Variants in VAT1 observed in about 807,000 individuals in gnomAD.
VAT1 encodes the protein NADPH-dependent quinone oxidoreductase VAT1.
VAT1 carries 24 observed loss-of-function variants against 33.3 expected under a neutral mutation model. The observed-to-expected ratio is 0.72, with a 90% confidence interval of 0.52 to 1.01. VAT1 has a LOEUF of 1.01. Ranked by LOEUF, VAT1 falls within the 50% of genes least tolerant of loss-of-function variation. The pLI is 0.00. For missense variants in VAT1, 436 were observed against 533.7 expected, an observed-to-expected ratio of 0.82 and a Z score of 1.80; for synonymous variants, 212 against 225.0, an observed-to-expected ratio of 0.94 and a Z score of 0.52.
At position 43,017,946 on chromosome 17, in the gene VAT1, G is replaced by A; in HGVS notation, c.767-16C>T. The A allele has an allele frequency of 6.2e-7, 1 of 1,614,110 alleles. No individual in the cohort carries two copies. The highest frequency in any genetic ancestry group is 8.5e-7 in the Non-Finnish European group (1 of 1,179,976). Reference sequence around the variant, plus strand: ...ATGTCCACTCCTGTCATAGAGTAGGGGAACCCAAGAACAACATTAGGATCC... The same window carrying A: ...ATGTCCACTCCTGTCATAGAGTAGGAGAACCCAAGAACAACATTAGGATCC... On this transcript the variant is annotated splice_polypyrimidine_tract_variant and intron_variant, in intron 3 of 5. Coordinates refer to ENST00000355653, the MANE Select transcript of VAT1 (RefSeq NM_006373.4).
intron 1 of VAT1, 21 bp downstream of exon 1, chr17:43,021,915 T>A (rs2050572585): frequency 5.0e-6 from 8 of 1,609,384 alleles, no homozygotes; most frequent in Non-Finnish European, 6.8e-6. Context: ...AGCCCTGCCC[T>A]GCCCTACGCA....
chr17:43,021,606 T>TGGGGGGGGGGG (rs35999638), intron 1 of VAT1, among the ~76,000 whole-genome samples: 13 of 49,414 alleles, frequency 2.6e-4, no homozygotes, highest in South Asian at 6.8e-4. Flanking sequence ...GTGGTTTTAA[T>TGGGGGGGGGGG]GGGGGGGGGG....
chr17:43,020,114 A>G, intron 1 of VAT1: 1 of 985,456 alleles, frequency 1.0e-6, no homozygotes, highest in Non-Finnish European at 1.2e-6. Context: ...GGCCAGTCCC[A>G]GATTTGACCC....
rs2050576498 is a variant in VAT1, at chr17:43,022,208, C to CGGCCCCTTCGGA, written c.103_114dup (p.Ser35_Ala38dup). 1 of 1,558,338 alleles carries CGGCCCCTTCGGA rather than the reference C, an allele frequency of 6.4e-7. No individual in the cohort carries two copies. Among genetic ancestry groups the CGGCCCCTTCGGA allele is most frequent in the Non-Finnish European group, 8.7e-7 (1 of 1,152,322 alleles). ...AGTGGCGGCGAGGCGGCGGCGGCGGCGGCCCCTTCGGAGGCCGCGGGATGC... is the reference window on the plus strand; with the variant it reads ...AGTGGCGGCGAGGCGGCGGCGGCGGCGGCCCCTTCGGAGGCCCCTTCGGAGGCCGCGGGATGC... On this transcript the variant is annotated inframe_insertion, in exon 1 of 6. Transcript: ENST00000355653.
chr17:43,017,701 C>T (rs1196421774), intron 4 of VAT1, 140 bp downstream of exon 4: 33 of 681,162 alleles, frequency 4.8e-5, no homozygotes, highest in Non-Finnish European at 1.0e-5. Context: ...GCATACAGGA[C>T]CATTCCTAAC....
At chr17:43,021,533 A>G in intron 1 of VAT1, among the ~76,000 whole-genome samples, 1 of 142,510 alleles carries the variant, frequency 7.0e-6, no homozygotes, top group East Asian at 2.2e-4. Context: ...GGGGGCACTA[A>G]CCGTCACTCA....
At chr17:43,021,902 C>A in intron 1 of VAT1, 34 bp downstream of exon 1, 2 of 1,607,100 alleles carry the variant, frequency 1.2e-6, no homozygotes, top group Admixed American at 3.3e-5. Flanking sequence ...CAGTGGCCTG[C>A]GCAGCCCTGC....
chr17:43,018,446 C>T (rs374611659), intron 2 of VAT1, 146 bp downstream of exon 2: 59 of 1,014,434 alleles, frequency 5.8e-5, no homozygotes, highest in African/African-American at 1.3e-4. Context: ...AATGTTACCA[C>T]GGCAACTACA....
At chr17:43,020,054 C>A (rs775722339) in intron 1 of VAT1, 80 of 974,116 alleles carry the variant, frequency 8.2e-5, no homozygotes, top group Non-Finnish European at 9.5e-5. Context: ...CTAGCAGATA[C>A]AGAACAACCC....
At chr17:43,016,850 T>C (rs1335393485) in intron 4 of VAT1, among the ~76,000 whole-genome samples, 1 of 151,698 alleles carries the variant, frequency 6.6e-6, no homozygotes, top group African/African-American at 2.4e-5. Flanking sequence ...AAACCTTGTC[T>C]CTACTAAAAA....
chr17:43,015,912 C>T lies in VAT1; in HGVS notation c.*149G>A. ...TCAGAGGTCAGGAAGCGGGGAGGGGCAGGGGAGAGCGGTCATCACCACAGA... is the reference window on the plus strand; with the variant it reads ...TCAGAGGTCAGGAAGCGGGGAGGGGTAGGGGAGAGCGGTCATCACCACAGA... On this transcript the variant is annotated 3_prime_UTR_variant, in exon 6 of 6. Coordinates refer to ENST00000355653, the MANE Select transcript of VAT1 (RefSeq NM_006373.4). 3.5e-6 allele frequency: 3 copies of T among 846,410 alleles called. No individual in the cohort carries two copies. The highest frequency in any genetic ancestry group is 3.9e-6 in the Non-Finnish European group (2 of 518,008). The allele number at this position is 846,410 out of a possible 1,614,324, so 52.4% of individuals were successfully genotyped here.
rs202224245 is a variant in VAT1, at chr17:43,018,041, G to A, written c.761C>T (p.Pro254Leu). The A allele has an allele frequency of 1.2e-6, 2 of 1,612,968 alleles. No individual in the cohort carries two copies. The highest frequency in any genetic ancestry group is 1.7e-5 in the Admixed American group (1 of 59,954). ...DYVDEIKKISPKGVDIVMDPL... is the reference protein window; with the variant it reads ...DYVDEIKKISLKGVDIVMDPL... ...TCCCATATTATGCCCCCCACCTTTA[G>A]GGGAAATCTTCTTGATCTCATCCAC... The change falls in exon 3 of 6, where the codon CCT (proline) becomes CTT (leucine). Residue 254 changes from proline to leucine, a missense_variant. Coordinates refer to ENST00000355653, the MANE Select transcript of VAT1 (RefSeq NM_006373.4).
intron 4 of VAT1, 21 bp from the exon 5 acceptor site, chr17:43,016,569 G>A: frequency 6.2e-7 from 1 of 1,610,616 alleles, no homozygotes. Flanking sequence ...AGGTGACATA[G>A]CCTGTGAACC....
At position 43,018,281 on chromosome 17, in the gene VAT1, G is replaced by A. The variant is rs999803676; in HGVS notation, c.596-75C>T. On this transcript the variant is annotated intron_variant, in intron 2 of 5. Coordinates refer to ENST00000355653, the MANE Select transcript of VAT1 (RefSeq NM_006373.4). ...AACCACTCCATTCTAGCCTCCCAGG[G>A]ACTCAGCCTGTCACCTTCATTTTGC... The A allele has an allele frequency of 5.9e-5, 89 of 1,499,708 alleles. No individual in the cohort carries two copies. In the Middle Eastern group the frequency reaches 7.3e-4, roughly 12 times the overall value. 92.9% of individuals were successfully genotyped at this position (1,499,708 alleles called of 1,614,324 possible).
At chr17:43,017,988 C>A in intron 3 of VAT1, 48 bp downstream of exon 3, 1 of 1,613,028 alleles carries the variant, frequency 6.2e-7, no homozygotes, top group South Asian at 1.1e-5. Context: ...CTGGAGCTCC[C>A]CTCCCTGTCC....
At chr17:43,016,963 G>A (rs2050525557) in intron 4 of VAT1, among the ~76,000 whole-genome samples, 1 of 149,190 alleles carries the variant, frequency 6.7e-6, no homozygotes, top group Admixed American at 6.7e-5. Flanking sequence ...TCAGGAGTTC[G>A]AGACCAGCGT....
chr17:43,017,332 C>G (rs2050528441), intron 4 of VAT1, among the ~76,000 whole-genome samples: 1 of 151,564 alleles, frequency 6.6e-6, no homozygotes, highest in South Asian at 2.1e-4. Flanking sequence ...CCTATAATCC[C>G]AGCACTTTGG....
chr17:43,017,776 T>TTA (rs2050532637), intron 4 of VAT1, 65 bp downstream of exon 4: 1 of 1,494,982 alleles, frequency 6.7e-7, no homozygotes, highest in African/African-American at 1.4e-5. Context: ...GGCCTCTATA[T>TTA]CCCACCCCTT....
chr17:43,016,213 C>T, intron 5 of VAT1, 69 bp from the exon 6 acceptor site: 1 of 1,611,196 alleles, frequency 6.2e-7, no homozygotes, highest in Non-Finnish European at 8.5e-7. Flanking sequence ...CAGTGTGATG[C>T]AGGCAGCCCT....
Sources: allele counts gnomAD v4.1 joint callset (sites outside exome capture counted in the v4.1 genomes callset), GRCh38; gene constraint gnomAD v4.1.1; transcripts MANE v1.5; gene names NCBI Gene and HGNC (gene_info 2026-07-23, HGNC 2026-07-21).